Variants in THADA observed in about 807,000 individuals in gnomAD.
THADA encodes the protein tRNA (32-2'-O)-methyltransferase regulator THADA.
Under a neutral mutation model 219.8 loss-of-function variants are expected in THADA, and 213 were observed. The observed-to-expected ratio is 0.97, with a 90% CI of 0.87 to 1.09. The LOEUF (loss-of-function observed/expected upper bound fraction) is 1.09. Ranked by LOEUF, THADA falls within the 50% of genes least tolerant of loss-of-function variation. THADA has a pLI of 0.00. For synonymous variants in THADA, 1,018 were observed against 828.9 expected, an observed-to-expected ratio of 1.23 and a Z score of -3.92; for missense variants, 2,956 against 2,311.3, an observed-to-expected ratio of 1.28 and a Z score of -5.72.
intron 29 of THADA, among the ~76,000 whole-genome samples, chr2:43,369,809 T>A (rs1487457221): frequency 6.6e-6 from 1 of 152,236 alleles, no homozygotes; most frequent in Non-Finnish European, 1.5e-5. Context: ...GCCAAATGAC[T>A]TAACTCTTTA....
chr2:43,264,003 A>G (rs1671246205), intron 36 of THADA, among the ~76,000 whole-genome samples: 1 of 152,120 alleles, frequency 6.6e-6, no homozygotes, highest in Admixed American at 6.6e-5. Context: ...GTGGGTTTTT[A>G]GTTCCCTGAG....
intron 28 of THADA, among the ~76,000 whole-genome samples, chr2:43,422,304 A>C (rs1677811064): frequency 6.6e-6 from 1 of 152,190 alleles, no homozygotes; most frequent in South Asian, 2.1e-4. Context: ...CAAGTATATA[A>C]AGACCATTAT....
intron 28 of THADA, among the ~76,000 whole-genome samples, chr2:43,399,618 C>T (rs935056307): frequency 2.0e-5 from 3 of 152,030 alleles, no homozygotes; most frequent in African/African-American, 7.2e-5. Context: ...TGGGTAGGTC[C>T]AGCAGCACAT....
chr2:43,272,635 T>A (rs1167705429), intron 36 of THADA, among the ~76,000 whole-genome samples: 1 of 150,136 alleles, frequency 6.7e-6, no homozygotes, highest in Non-Finnish European at 1.5e-5. Flanking sequence ...TTTTTTTTTT[T>A]TTTTTTTGAG....
intron 35 of THADA, among the ~76,000 whole-genome samples, chr2:43,284,668 T>G (rs556059785): frequency 6.6e-6 from 1 of 152,294 alleles, no homozygotes; most frequent in African/African-American, 2.4e-5. Context: ...ACTGGGGCAC[T>G]ACCTAGTGGA....
At chr2:43,548,362 A>T (rs1389282919) in intron 20 of THADA, among the ~76,000 whole-genome samples, 1 of 152,192 alleles carries the variant, frequency 6.6e-6, no homozygotes, top group African/African-American at 2.4e-5. Context: ...TCAGATCTCC[A>T]GCTGTGTGCT....
At position 43,590,953 on chromosome 2, in the gene THADA, A is replaced by G. The variant is rs1701497238; in HGVS notation, c.173T>C (p.Ile58Thr). Residue 58 changes from isoleucine to threonine, a missense_variant and splice_region_variant, in exon 4 of 38, where the codon ATT becomes ACT. Physicochemically the swap from Ile to Thr is moderately conservative, Grantham distance 89. Transcript: ENST00000405975. Reference protein sequence around the residue: ...GVSQIHYIKQIVPLLEKADKN... With the variant: ...GVSQIHYIKQTVPLLEKADKN... Reference sequence around the variant, plus strand: ...ATCTGCTTTCTCCAGCAGAGGCACAATCTATAATACAAAACATTGAAGTAA... The same window carrying G: ...ATCTGCTTTCTCCAGCAGAGGCACAGTCTATAATACAAAACATTGAAGTAA... The G allele has an allele frequency of 1.2e-6, 2 of 1,610,976 alleles. No individual in the cohort carries two copies. The highest frequency in any genetic ancestry group is 8.5e-7 in the Non-Finnish European group (1 of 1,178,476).
chr2:43,498,990 A>C, intron 24 of THADA, 35 bp from the exon 25 acceptor site: 2 of 1,547,302 alleles, frequency 1.3e-6, no homozygotes, highest in Non-Finnish European at 1.7e-6. Context: ...TTGTGGGTTG[A>C]AAACCATGGC....
chr2:43,412,404 A>C (rs1000221210), intron 28 of THADA, among the ~76,000 whole-genome samples: 1 of 152,196 alleles, frequency 6.6e-6, no homozygotes, highest in African/African-American at 2.4e-5. Context: ...AAATCTAATA[A>C]ATATAATATT....
At chr2:43,390,344 T>G (rs1457801020) in intron 29 of THADA, among the ~76,000 whole-genome samples, 1 of 152,216 alleles carries the variant, frequency 6.6e-6, no homozygotes, top group African/African-American at 2.4e-5. Flanking sequence ...CTGTTGGCAC[T>G]TTCCTATGGG....
chr2:43,523,279 G>A (rs984293171), intron 22 of THADA, among the ~76,000 whole-genome samples: 7 of 152,100 alleles, frequency 4.6e-5, no homozygotes, highest in Admixed American at 2.6e-4. Flanking sequence ...GACAGATTCT[G>A]ATCACTTAAG....
intron 29 of THADA, among the ~76,000 whole-genome samples, chr2:43,381,962 G>A (rs983866672): frequency 6.6e-6 from 1 of 152,044 alleles, no homozygotes; most frequent in Non-Finnish European, 1.5e-5. Flanking sequence ...CACCTCAGTG[G>A]TCTTTCTCCC....
At chr2:43,374,876 T>C (rs544141576) in intron 29 of THADA, among the ~76,000 whole-genome samples, 2 of 152,194 alleles carry the variant, frequency 1.3e-5, no homozygotes, top group South Asian at 2.1e-4. Context: ...AAAACACATA[T>C]TGTAAAGCTA....
intron 29 of THADA, 114 bp downstream of exon 29, chr2:43,397,856 TC>T: frequency 9.0e-7 from 1 of 1,109,982 alleles, no homozygotes; most frequent in Admixed American, 2.5e-5. Flanking sequence ...AAAAAAAAGT[TC>T]TACAGATAAA....
chr2:43,269,750 C>T (rs1381879460), intron 36 of THADA, among the ~76,000 whole-genome samples: 1 of 152,238 alleles, frequency 6.6e-6, no homozygotes, highest in African/African-American at 2.4e-5. Flanking sequence ...CCCTCACCCT[C>T]CACTGGTTCA....
chr2:43,590,243 G>A (rs751777894), intron 4 of THADA, among the ~76,000 whole-genome samples: 3 of 152,004 alleles, frequency 2.0e-5, no homozygotes, highest in Non-Finnish European at 4.4e-5. Flanking sequence ...AGAACAGATA[G>A]GACAAAAAGA....
intron 26 of THADA, among the ~76,000 whole-genome samples, chr2:43,473,652 A>C (rs937790389): frequency 7.2e-5 from 11 of 151,748 alleles, no homozygotes; most frequent in African/African-American, 2.2e-4. Context: ...ACTCTCACCC[A>C]GGCTGGAGTG....
At chr2:43,367,229 G>A (rs1303984542) in intron 29 of THADA, among the ~76,000 whole-genome samples, 1 of 152,170 alleles carries the variant, frequency 6.6e-6, no homozygotes, top group Non-Finnish European at 1.5e-5. Flanking sequence ...TTTCAGTTCT[G>A]CAAGATGAAA....
rs1433153333 is a variant in THADA, at chr2:43,305,730, T to C, written c.4439-12517A>G. Reference sequence around the variant, plus strand: ...GGCTAAAGATGAGCTCACCAGGCCCTGGGTGGGACCCACAGCTTTTACTAT... The same window carrying C: ...GGCTAAAGATGAGCTCACCAGGCCCCGGGTGGGACCCACAGCTTTTACTAT... On this transcript the variant is annotated intron_variant, in intron 31 of 37. Transcript: ENST00000405975. 2.0e-5 allele frequency among the ~76,000 whole-genome samples: 3 copies of C among 152,110 alleles called. No homozygotes were observed. In the East Asian group the frequency reaches 5.8e-4, roughly 29 times the overall value.
Sources: allele counts gnomAD v4.1 joint callset (sites outside exome capture counted in the v4.1 genomes callset), GRCh38; gene constraint gnomAD v4.1.1; transcripts MANE v1.5; gene names NCBI Gene and HGNC (gene_info 2026-07-23, HGNC 2026-07-21).